THSD7B: variants seen among roughly 807,000 people sequenced by gnomAD.
THSD7B encodes thrombospondin type 1 domain containing 7B.
In THSD7B, 138 loss-of-function variants were observed where a neutral mutation model predicts 213.6. The observed-to-expected ratio is 0.65, with a 90% confidence interval of 0.56 to 0.74. THSD7B has a LOEUF of 0.74. THSD7B is among the 30% of genes least tolerant of loss of function. The pLI is 0.00. For missense variants in THSD7B, 1,931 were observed against 1,991.5 expected (o/e 0.97, Z 0.58); for synonymous variants, 742 against 687.0 (o/e 1.08, Z -1.25).
At chr2:137,549,963 T>C in intron 15 of THSD7B, among the ~76,000 whole-genome samples, 1 of 152,170 alleles carries the variant, frequency 6.6e-6, no homozygotes, top group South Asian at 2.1e-4. Flanking sequence ...ATCTGTTCTA[T>C]GAAAATTGGA....
In THSD7B at chr2:137,160,129, A is replaced by T. The variant is rs1170326489; in HGVS notation, c.1370-84A>T. 3.5e-6 allele frequency: 5 copies of T among 1,418,490 alleles called. No homozygotes were observed. In the African/African-American group the frequency reaches 7.2e-5, roughly 20 times the overall value. 87.9% of individuals were successfully genotyped at this position (1,418,490 alleles called of 1,614,324 possible). On this transcript the variant is annotated intron_variant, in intron 5 of 27. Coordinates refer to ENST00000409968, the MANE Select transcript of THSD7B (RefSeq NM_001316349.2). The stretch of plus-strand genomic sequence containing the variant: ...TTTTTAACTATAATGTTTTATTTGC[A>T]AGACAGGCATGCAAATAAAGGCAGA...
intron 21 of THSD7B, among the ~76,000 whole-genome samples, chr2:137,646,504 A>G (rs1683033776): frequency 6.7e-6 from 1 of 150,232 alleles, no homozygotes; most frequent in African/African-American, 2.4e-5. Flanking sequence ...AAAAAAAAAA[A>G]AGCTGAGTGT....
intron 14 of THSD7B, among the ~76,000 whole-genome samples, chr2:137,431,859 G>A (rs1396419355): frequency 6.6e-6 from 1 of 152,068 alleles, no homozygotes; most frequent in African/African-American, 2.4e-5. Flanking sequence ...TAGCTTATAG[G>A]TGATAAGAAT....
intron 1 of THSD7B, among the ~76,000 whole-genome samples, chr2:136,859,826 G>A (rs1276803677): frequency 2.0e-5 from 3 of 152,116 alleles, no homozygotes; most frequent in Non-Finnish European, 4.4e-5. Context: ...GTGAAGGGAA[G>A]GAAGACCTGA....
chr2:136,894,077 A>G (rs1683909840), intron 2 of THSD7B, among the ~76,000 whole-genome samples: 1 of 152,208 alleles, frequency 6.6e-6, no homozygotes, highest in Non-Finnish European at 1.5e-5. Context: ...TATTGTGGAA[A>G]TAAGTAGTTC....
intron 15 of THSD7B, among the ~76,000 whole-genome samples, chr2:137,509,888 A>C (rs958888323): frequency 1.3e-5 from 2 of 152,136 alleles, no homozygotes; most frequent in Non-Finnish European, 2.9e-5. Context: ...CTCTTTCTTT[A>C]ATACATTTCA....
chr2:137,099,349 G>C (rs562575173), intron 4 of THSD7B, among the ~76,000 whole-genome samples: 69 of 152,116 alleles, frequency 4.5e-4, no homozygotes, highest in African/African-American at 1.6e-3. Flanking sequence ...AAGGCAAAAA[G>C]CATTCTAACA....
chr2:137,434,891 A>AT (rs1491142666), intron 14 of THSD7B, among the ~76,000 whole-genome samples: 1 of 152,090 alleles, frequency 6.6e-6, no homozygotes, highest in African/African-American at 2.4e-5. Context: ...AGCTGCAAAC[A>AT]TTTTTTTCTT....
At chr2:137,478,523 T>A (rs1452255500) in intron 15 of THSD7B, among the ~76,000 whole-genome samples, 1 of 152,182 alleles carries the variant, frequency 6.6e-6, no homozygotes, top group Non-Finnish European at 1.5e-5. Flanking sequence ...GCTCACTGAG[T>A]TTCTTTAATG....
At chr2:137,635,012 G>A (rs1334033219) in intron 20 of THSD7B, among the ~76,000 whole-genome samples, 1 of 151,832 alleles carries the variant, frequency 6.6e-6, no homozygotes, top group Non-Finnish European at 1.5e-5. Flanking sequence ...TTGTTTCATT[G>A]CTAGTGATTA....
At chr2:137,424,229 A>G (rs1240285909) in intron 14 of THSD7B, among the ~76,000 whole-genome samples, 1 of 152,136 alleles carries the variant, frequency 6.6e-6, no homozygotes, top group Non-Finnish European at 1.5e-5. Flanking sequence ...TTAAAAGCAT[A>G]TCTTCTAGAC....
intron 12 of THSD7B, among the ~76,000 whole-genome samples, chr2:137,333,329 G>A (rs1382299055): frequency 6.6e-6 from 1 of 152,150 alleles, no homozygotes; most frequent in African/African-American, 2.4e-5. Context: ...GATCTCTTAT[G>A]TATGGAAATC....
intron 2 of THSD7B, among the ~76,000 whole-genome samples, chr2:136,998,152 C>A (rs1318253004): frequency 1.3e-5 from 2 of 150,604 alleles, no homozygotes; most frequent in Non-Finnish European, 2.9e-5. Context: ...TCTTAGGATG[C>A]CATTCTGGGG....
In THSD7B at chr2:136,859,300, A is replaced by G. The variant is rs544238182; in HGVS notation, c.-35-22844A>G. 1.1e-4 allele frequency among the ~76,000 whole-genome samples: 17 copies of G among 152,316 alleles called. No homozygotes were observed. In the South Asian group the frequency reaches 3.1e-3, roughly 28 times the overall value. ...AACATTACCAATTTTAAAGTGTCTG[A>G]AATGAGGCCTTTTCATGTCTATGAA... On this transcript the variant is annotated intron_variant, in intron 1 of 27. Coordinates refer to ENST00000409968, the MANE Select transcript of THSD7B (RefSeq NM_001316349.2).
intron 12 of THSD7B, among the ~76,000 whole-genome samples, chr2:137,312,460 C>T (rs1683942705): frequency 6.7e-6 from 1 of 148,176 alleles, no homozygotes; most frequent in African/African-American, 2.6e-5. Context: ...AAAACCAGCT[C>T]CTGGATTCGT....
chr2:137,530,089 GA>G (rs1192685700), intron 15 of THSD7B, among the ~76,000 whole-genome samples: 13 of 151,910 alleles, frequency 8.6e-5, no homozygotes, highest in Non-Finnish European at 1.8e-4. Context: ...CAGGCCTAAT[GA>G]AAAAAATCAG....
intron 1 of THSD7B, among the ~76,000 whole-genome samples, chr2:136,821,362 TTGAAAC>T: frequency 6.6e-6 from 1 of 152,282 alleles, no homozygotes; most frequent in East Asian, 1.9e-4. Flanking sequence ...TATAATTAGT[TTGAAAC>T]TGGAAACTCC....
At chr2:137,301,531 G>A (rs953116173) in intron 12 of THSD7B, among the ~76,000 whole-genome samples, 1 of 151,926 alleles carries the variant, frequency 6.6e-6, no homozygotes, top group Admixed American at 6.6e-5. Context: ...CAGGAGAGGA[G>A]GACAGAGAAT....
At chr2:137,286,140 T>A (rs1683172789) in intron 12 of THSD7B, among the ~76,000 whole-genome samples, 1 of 151,608 alleles carries the variant, frequency 6.6e-6, no homozygotes, top group African/African-American at 2.4e-5. Context: ...CAACGTTATA[T>A]ATTACATAAA....
Sources: gnomAD v4.1 joint callset for allele counts (sites outside exome capture counted in the v4.1 genomes callset) on GRCh38, gnomAD v4.1.1 for gene constraint, MANE v1.5 for transcripts, NCBI Gene and HGNC (gene_info 2026-07-23, HGNC 2026-07-21) for gene names.